PHLDB3: variants seen among roughly 807,000 people sequenced by gnomAD.
The protein encoded by PHLDB3 is pleckstrin homology-like domain family B member 3.
PHLDB3 carries 86 observed loss-of-function variants against 85.7 expected under a neutral mutation model. The observed-to-expected ratio is 1.00, with a 90% CI of 0.84 to 1.20. The LOEUF is 1.20. PHLDB3 is among the 50% of genes most tolerant of loss of function. The pLI, the probability that PHLDB3 is intolerant of heterozygous loss-of-function variation, is 0.00. For missense variants in PHLDB3, 995 were observed against 873.0 expected, an observed-to-expected ratio of 1.14 and a Z score of -1.76; for synonymous variants, 376 against 349.8, an observed-to-expected ratio of 1.07 and a Z score of -0.83.
chr19:43,487,733 A>G (rs1280230968), intron 9 of PHLDB3, among the ~76,000 whole-genome samples: 1 of 151,986 alleles, frequency 6.6e-6, no homozygotes, highest in Non-Finnish European at 1.5e-5. Context: ...GATAATGAAA[A>G]TGTTCTAAAA....
At chr19:43,495,733 G>A in intron 6 of PHLDB3, 113 bp from the exon 7 acceptor site, 1 of 1,432,128 alleles carries the variant, frequency 7.0e-7, no homozygotes, top group Non-Finnish European at 9.2e-7. Context: ...CAGAGACCAT[G>A]GGATCGGAGT....
In PHLDB3 at chr19:43,478,080, T is replaced by C. The variant is rs370226835; in HGVS notation, c.1755A>G (p.Glu585=). ...KGVIYFQAIE[E]VYYDHLRCAF... ...CACAGCGTAAGTGGTCATAATAGACTTCCTCAATGGCCTGGAAGTAGATGA... is the reference window on the plus strand; with the variant it reads ...CACAGCGTAAGTGGTCATAATAGACCTCCTCAATGGCCTGGAAGTAGATGA... The change falls in exon 15 of 16, where the codon GAA becomes GAG. Residue 585 remains glutamate (E), a synonymous_variant. Coordinates refer to ENST00000292140, the MANE Select transcript of PHLDB3 (RefSeq NM_198850.4). 2.5e-6 allele frequency: 4 copies of C among 1,613,526 alleles called. No individual in the cohort carries two copies. The African/African-American group carries it at 4.0e-5, about 16-fold the overall frequency.
At chr19:43,500,916 C>CCG (rs1555757823) in intron 4 of PHLDB3, among the ~76,000 whole-genome samples, 1 of 109,802 alleles carries the variant, frequency 9.1e-6, no homozygotes, top group Non-Finnish European at 1.9e-5. Context: ...CGTACCCCCC[C>CCG]CCCACCCCGC....
rs773172205 is a variant in PHLDB3 at position 43,475,397 on chromosome 19, A to G, written c.*13T>C. The G allele has an allele frequency of 3.1e-6, 5 of 1,612,484 alleles. No homozygotes were observed. The highest frequency in any genetic ancestry group is 2.2e-5 in the East Asian group (1 of 44,802). On this transcript the variant is annotated 3_prime_UTR_variant, in exon 16 of 16. Transcript: ENST00000292140. ...AGCCTCGAAGGGACTTCCCCCCAAG[A>G]GGGCGGGGCCACTCAGGGGGCGTGG... is the stretch of plus-strand genomic sequence containing the variant.
Position 43,501,867 on chromosome 19 carries a change from T to C in PHLDB3, c.401A>G (p.Glu134Gly), listed in dbSNP as rs1971611003. The change falls in exon 4 of 16, where the codon GAG becomes GGG. Residue 134 changes from glutamate (E) to glycine (G), a missense_variant. Transcript: ENST00000292140. ...ACCCCGCAGCAAGGCCACCTCCACC[T>C]CCATCTGCGGAGAGAATGCCAGGGC... ...RQRKELRIEM[E>G]VEVALLRGEL... 5 of 1,591,366 alleles carry C rather than the reference T, an allele frequency of 3.1e-6. No homozygotes were observed. Among genetic ancestry groups the C allele is most frequent in the African/African-American group, 1.3e-5 (1 of 74,326 alleles).
At chr19:43,485,695 T>C (rs2145906608) in intron 13 of PHLDB3, among the ~76,000 whole-genome samples, 1 of 151,658 alleles carries the variant, frequency 6.6e-6, no homozygotes, top group South Asian at 2.1e-4. Flanking sequence ...TAGCTGGGAT[T>C]ACAGGCATGT....
chr19:43,501,718 G>A lies in PHLDB3; in HGVS notation c.534+16C>T, dbSNP rs574490228. On this transcript the variant is annotated intron_variant, in intron 4 of 15. Transcript: ENST00000292140. ...GGAAGGACACTGCTGATGAAGACCC[G>A]GTGAGCCAAACAGACCTGTTCCCGC... The A allele has an allele frequency of 1.5e-5, 24 of 1,576,224 alleles. No homozygotes were observed. The South Asian group carries it at 2.3e-4, about 15-fold the overall frequency.
At position 43,497,788 on chromosome 19, in the gene PHLDB3, G is replaced by C; in HGVS notation, c.623C>G (p.Pro208Arg). Residue 208 changes from proline to arginine, a missense_variant, in exon 5 of 16, where the codon CCA (proline) becomes CGA (arginine). Pro to Arg is a moderately radical substitution (Grantham distance 103). Coordinates refer to ENST00000292140, the MANE Select transcript of PHLDB3 (RefSeq NM_198850.4). Reference protein sequence around the residue: ...RKAQGQLDSQPEDQRERLLQG... With the variant: ...RKAQGQLDSQREDQRERLLQG... ...CAGAAGCCGCTCGCGTTGGTCCTCT[G>C]GCTGTGAGTCGAGCTGTCCCTGGGC... The C allele has an allele frequency of 6.4e-7, 1 of 1,555,736 alleles. No individual in the cohort carries two copies. The highest frequency in any genetic ancestry group is 8.7e-7 in the Non-Finnish European group (1 of 1,149,418).
At chr19:43,489,874 G>A (rs1971273574) in intron 9 of PHLDB3, among the ~76,000 whole-genome samples, 1 of 151,862 alleles carries the variant, frequency 6.6e-6, no homozygotes, top group South Asian at 2.1e-4. Flanking sequence ...GGGCGTGGTG[G>A]TGGGCACCTG....
chr19:43,486,739 G>T, intron 11 of PHLDB3, 41 bp downstream of exon 11: 1 of 1,612,104 alleles, frequency 6.2e-7, no homozygotes, highest in Non-Finnish European at 8.5e-7. Flanking sequence ...CAGTGGCTGG[G>T]CCTCTTCTTC....
intron 13 of PHLDB3, among the ~76,000 whole-genome samples, chr19:43,482,627 T>C (rs1405626875): frequency 1.3e-5 from 2 of 152,116 alleles, no homozygotes; most frequent in Non-Finnish European, 2.9e-5. Context: ...CAACCTCTGC[T>C]TCCCAGTTCA....
At chr19:43,489,390 A>T (rs1435368087) in intron 9 of PHLDB3, among the ~76,000 whole-genome samples, 1 of 142,414 alleles carries the variant, frequency 7.0e-6, no homozygotes, top group Non-Finnish European at 1.5e-5. Context: ...TTTTTTTTTA[A>T]GCGAGTACAG....
intron 9 of PHLDB3, among the ~76,000 whole-genome samples, chr19:43,489,294 G>C (rs1430331038): frequency 1.3e-5 from 2 of 152,052 alleles, no homozygotes; most frequent in Non-Finnish European, 2.9e-5. Flanking sequence ...TTGAGCCCAG[G>C]AGGTTGACCC....
At chr19:43,498,734 G>A (rs971410913) in intron 4 of PHLDB3, among the ~76,000 whole-genome samples, 4 of 152,122 alleles carry the variant, frequency 2.6e-5, no homozygotes, top group African/African-American at 9.7e-5. Flanking sequence ...CAGCCTGGGC[G>A]ACAGTGAGAC....
In PHLDB3 at chr19:43,497,836, C is replaced by T. The variant is rs1279930805; in HGVS notation, c.575G>A (p.Gly192Asp). 2.5e-6 allele frequency: 4 copies of T among 1,575,838 alleles called. No homozygotes were observed. The East Asian group carries it at 7.0e-5, about 28-fold the overall frequency. Residue 192 changes from glycine to aspartate, a missense_variant, in exon 5 of 16, where the codon GGT becomes GAT. Physicochemically the swap from Gly to Asp is moderately conservative, Grantham distance 94. Transcript: ENST00000292140. ...RLSQERDRLE[G>D]LRQRLRKAQG... ...GGCCTTGCGGAGTCTCTGGCGAAGA[C>T]CCTCTAGGCGATCCCGTTCCTGGCT...
chr19:43,488,383 G>T (rs35729287), intron 9 of PHLDB3, among the ~76,000 whole-genome samples: 57,624 of 151,734 alleles, frequency 0.38, 11,203 homozygotes, highest in Non-Finnish European at 0.42. Flanking sequence ...CTTGAACCCC[G>T]GAGGTCAAGG....
chr19:43,485,153 G>T lies in PHLDB3; in HGVS notation c.1485+1113C>A, dbSNP rs1018069505. Among the ~76,000 whole-genome samples, 3 of 151,834 alleles carry T rather than the reference G, an allele frequency of 2.0e-5. 1 individual carries two copies. The highest frequency in any genetic ancestry group is 4.4e-5 in the Non-Finnish European group (3 of 67,978). ...TTAAAGCTGCGCAGTGGGCACCTGG[G>T]GGTCTATTAATCTACTCCTTCTCTC... On this transcript the variant is annotated intron_variant, in intron 13 of 15. Transcript: ENST00000292140.
chr19:43,486,504 C>T, intron 12 of PHLDB3, 105 bp downstream of exon 12: 1 of 1,403,456 alleles, frequency 7.1e-7, no homozygotes, highest in East Asian at 2.5e-5. Context: ...GGCTGGGGGC[C>T]TGGACCCCTG....
chr19:43,501,974 C>G (rs1459628641), intron 3 of PHLDB3, 103 bp from the exon 4 acceptor site: 1 of 1,484,398 alleles, frequency 6.7e-7, no homozygotes, highest in Non-Finnish European at 9.0e-7. Flanking sequence ...CTCCAGGGAC[C>G]TGAATTTGGA....
Sources: allele counts gnomAD v4.1 joint callset (sites outside exome capture counted in the v4.1 genomes callset), GRCh38; gene constraint gnomAD v4.1.1; transcripts MANE v1.5; gene names NCBI Gene and HGNC (gene_info 2026-07-23, HGNC 2026-07-21).